SCAI: variants seen among roughly 807,000 people sequenced by gnomAD.
SCAI encodes protein SCAI.
A neutral mutation model predicts 92.2 loss-of-function variants in SCAI; 24 were observed. That is an observed-to-expected ratio of 0.26 (90% confidence interval 0.19 to 0.37). SCAI has a LOEUF of 0.37. SCAI is among the 10% of genes least tolerant of loss of function. The pLI, the probability that SCAI is intolerant of heterozygous loss-of-function variation, is 1.00. For synonymous variants in SCAI, 261 were observed against 258.6 expected (o/e 1.01, Z -0.09); for missense variants, 450 against 736.2 (o/e 0.61, Z 4.50).
intron 2 of SCAI, among the ~76,000 whole-genome samples, chr9:125,083,392 C>T (rs2131183578): frequency 6.6e-6 from 1 of 152,104 alleles, no homozygotes; most frequent in Non-Finnish European, 1.5e-5. Flanking sequence ...GTGGTGTGCG[C>T]CTGTAATCCC....
At chr9:125,022,619 C>T (rs762688460) in intron 6 of SCAI, among the ~76,000 whole-genome samples, 1 of 152,028 alleles carries the variant, frequency 6.6e-6, no homozygotes, top group African/African-American at 2.4e-5. Context: ...GGTCTTGCTA[C>T]GTTTCCCAGG....
At chr9:125,039,093 A>G (rs1252914158) in intron 3 of SCAI, among the ~76,000 whole-genome samples, 3 of 152,158 alleles carry the variant, frequency 2.0e-5, no homozygotes, top group Non-Finnish European at 2.9e-5. Flanking sequence ...AATTTTTAGA[A>G]GTAGCAATCT....
chr9:125,092,131 T>TAAAAAAAAAAAA (rs71374225), intron 2 of SCAI, among the ~76,000 whole-genome samples: 1 of 61,144 alleles, frequency 1.6e-5, no homozygotes, highest in African/African-American at 6.1e-5. Flanking sequence ...CTCCGTCTCT[T>TAAAAAAAAAAAA]AAAAAAAAAA....
intron 17 of SCAI, chr9:124,968,274 C>G: frequency 8.8e-7 from 1 of 1,138,276 alleles, no homozygotes; most frequent in Non-Finnish European, 1.3e-6. Flanking sequence ...CTTTTAATAT[C>G]CTTAAAACCG....
chr9:125,107,545 A>G (rs905049980), intron 2 of SCAI, among the ~76,000 whole-genome samples: 2 of 152,176 alleles, frequency 1.3e-5, no homozygotes, highest in Non-Finnish European at 2.9e-5. Context: ...GTGGGAGGAT[A>G]ACTTGAGCCC....
intron 2 of SCAI, among the ~76,000 whole-genome samples, chr9:125,090,663 A>T (rs965629511): frequency 6.6e-6 from 1 of 151,870 alleles, no homozygotes; most frequent in Non-Finnish European, 1.5e-5. Context: ...CTACTCTTAC[A>T]CTCCTATACT....
intron 3 of SCAI, among the ~76,000 whole-genome samples, chr9:125,048,582 G>T (rs1036160757): frequency 1.3e-5 from 2 of 152,000 alleles, no homozygotes; most frequent in African/African-American, 4.8e-5. Flanking sequence ...GAAAAGGGCA[G>T]GGGAGGGGAA....
chr9:125,080,129 G>T (rs1834180173), intron 2 of SCAI, among the ~76,000 whole-genome samples: 1 of 152,096 alleles, frequency 6.6e-6, no homozygotes, highest in African/African-American at 2.4e-5. Context: ...AGGGGGCAGG[G>T]TACAGAAGAA....
chr9:125,037,869 T>C (rs908211093), intron 3 of SCAI, among the ~76,000 whole-genome samples: 8 of 152,024 alleles, frequency 5.3e-5, no homozygotes, highest in African/African-American at 1.9e-4. Flanking sequence ...TGAGCCGAGA[T>C]TGTGCCACTG....
chr9:125,073,959 A>T (rs1047878448), intron 2 of SCAI, among the ~76,000 whole-genome samples: 2 of 148,790 alleles, frequency 1.3e-5, no homozygotes, highest in Non-Finnish European at 3.0e-5. Context: ...TTTTTTTTTT[A>T]AACATAGAGT....
At chr9:125,086,912 G>A (rs772559019) in intron 2 of SCAI, among the ~76,000 whole-genome samples, 5 of 152,174 alleles carry the variant, frequency 3.3e-5, no homozygotes, top group African/African-American at 7.2e-5. Flanking sequence ...AAGTGAGAAT[G>A]TATGTAAAGT....
chr9:125,099,529 G>A (rs549980900), intron 2 of SCAI, among the ~76,000 whole-genome samples: 14 of 152,224 alleles, frequency 9.2e-5, no homozygotes, highest in East Asian at 1.9e-4. Flanking sequence ...TGATGCACCC[G>A]CCTCAGCCTC....
intron 9 of SCAI, among the ~76,000 whole-genome samples, chr9:125,004,742 T>C (rs1478318856): frequency 1.2e-3 from 18 of 15,248 alleles, no homozygotes; most frequent in Non-Finnish European, 1.8e-3. Context: ...TCCATATATA[T>C]ATATATATAT....
intron 9 of SCAI, among the ~76,000 whole-genome samples, chr9:125,016,466 G>GCAAATTAAATTC: frequency 6.6e-6 from 1 of 151,006 alleles, no homozygotes; most frequent in East Asian, 1.9e-4. Context: ...ATAGGAAGAA[G>GCAAATTAAATTC]GAAATAAGAA....
intron 3 of SCAI, among the ~76,000 whole-genome samples, chr9:125,048,322 T>C (rs1230527127): frequency 6.6e-6 from 1 of 152,164 alleles, no homozygotes; most frequent in Admixed American, 6.6e-5. Flanking sequence ...AGATACCTAC[T>C]GTACTCTGGT....
At chr9:125,029,538 A>G in intron 4 of SCAI, 106 bp downstream of exon 4, 2 of 566,790 alleles carry the variant, frequency 3.5e-6, no homozygotes, top group Non-Finnish European at 6.1e-6. Flanking sequence ...TGTTGGTGAA[A>G]AAAAAGAAAA....
chr9:125,003,390 C>T, intron 10 of SCAI, 79 bp downstream of exon 10: 1 of 1,068,710 alleles, frequency 9.4e-7, no homozygotes. Context: ...GCTGTAGTAT[C>T]TGTTGAATAA....
At chr9:125,042,981 T>C (rs1833358186) in intron 3 of SCAI, among the ~76,000 whole-genome samples, 1 of 145,698 alleles carries the variant, frequency 6.9e-6, no homozygotes, top group Non-Finnish European at 1.5e-5. Context: ...TTCTCATGCC[T>C]CAGCTTCCTG....
chr9:125,041,878 C>A (rs1833323421), intron 3 of SCAI, among the ~76,000 whole-genome samples: 1 of 152,160 alleles, frequency 6.6e-6, no homozygotes, highest in African/African-American at 2.4e-5. Flanking sequence ...TAGGAAAACT[C>A]CTATGATCAT....
Sources: allele counts gnomAD v4.1 joint callset (sites outside exome capture counted in the v4.1 genomes callset), GRCh38; gene constraint gnomAD v4.1.1; transcripts MANE v1.5; gene names NCBI Gene and HGNC (gene_info 2026-07-23, HGNC 2026-07-21).